EXOC4: variants seen among roughly 807,000 people sequenced by gnomAD.
EXOC4 encodes exocyst complex component 4, also known as SEC8-like 1.
A neutral mutation model predicts 107.2 loss-of-function variants in EXOC4; 71 were observed. That is an observed-to-expected ratio of 0.66 (90% CI 0.55 to 0.81). The LOEUF (loss-of-function observed/expected upper bound fraction) is 0.81, where lower values mean the gene tolerates loss of function less well. EXOC4 is among the 30% of genes least tolerant of loss of function. The probability of loss-of-function intolerance (pLI) is 0.00; values close to 1 mark genes in which losing one functional copy is unlikely to be tolerated. For synonymous variants in EXOC4, 456 were observed against 441.2 expected, an observed-to-expected ratio of 1.03 and a Z score of -0.42; for missense variants, 1,108 against 1,189.6, an observed-to-expected ratio of 0.93 and a Z score of 1.01.
At chr7:133,673,258 G>T (rs1382880438) in intron 10 of EXOC4, among the ~76,000 whole-genome samples, 3 of 152,092 alleles carry the variant, frequency 2.0e-5, no homozygotes, top group Non-Finnish European at 2.9e-5. Context: ...TTCTAGATGG[G>T]GAAGCTAGCA....
At chr7:133,597,884 G>A (rs539311783) in intron 9 of EXOC4, among the ~76,000 whole-genome samples, 56 of 151,710 alleles carry the variant, frequency 3.7e-4, no homozygotes, top group African/African-American at 1.2e-3. Flanking sequence ...TGTTGGCGGC[G>A]GGCACCTGTA....
intron 10 of EXOC4, among the ~76,000 whole-genome samples, chr7:133,744,978 TA>T (rs545788161): frequency 2.0e-5 from 3 of 152,134 alleles, no homozygotes; most frequent in Admixed American, 6.6e-5. Flanking sequence ...GTTTTTTACT[TA>T]AAAAAAAGTT....
chr7:134,014,420 A>C (rs1472365397), intron 17 of EXOC4, among the ~76,000 whole-genome samples: 1 of 152,180 alleles, frequency 6.6e-6, no homozygotes, highest in Non-Finnish European at 1.5e-5. Flanking sequence ...AAGTACAAAC[A>C]ACCAGATATC....
chr7:133,687,029 G>GTC (rs1562907847), intron 10 of EXOC4, among the ~76,000 whole-genome samples: 3 of 140,346 alleles, frequency 2.1e-5, no homozygotes, highest in African/African-American at 8.2e-5. Context: ...GTGTGTGTGT[G>GTC]TGTGTGTGTC....
chr7:133,985,967 AAGAG>A (rs928574276), intron 14 of EXOC4, among the ~76,000 whole-genome samples: 7 of 152,146 alleles, frequency 4.6e-5, no homozygotes, highest in African/African-American at 1.7e-4. Context: ...AAGTGGGCAA[AAGAG>A]AGAGAGCAGT....
chr7:133,658,542 T>C (rs1309654117), intron 10 of EXOC4, among the ~76,000 whole-genome samples: 2 of 152,228 alleles, frequency 1.3e-5, no homozygotes, highest in Non-Finnish European at 2.9e-5. Flanking sequence ...TGTGGGCTGC[T>C]GTCTCTTCAC....
chr7:133,397,425 C>T (rs1304945881), intron 7 of EXOC4, among the ~76,000 whole-genome samples: 3 of 151,874 alleles, frequency 2.0e-5, no homozygotes, highest in Non-Finnish European at 2.9e-5. Context: ...TGAGCCACTG[C>T]GCCCGGCTCA....
intron 11 of EXOC4, among the ~76,000 whole-genome samples, chr7:133,819,538 G>A (rs1307582779): frequency 6.7e-6 from 1 of 148,232 alleles, no homozygotes; most frequent in Non-Finnish European, 1.5e-5. Context: ...GATGGATACA[G>A]TGAATAAGTT....
At chr7:134,057,711 C>T (rs1403292571) in intron 17 of EXOC4, among the ~76,000 whole-genome samples, 2 of 152,078 alleles carry the variant, frequency 1.3e-5, no homozygotes, top group African/African-American at 2.4e-5. Context: ...TCTTGTCTAC[C>T]ATTGCTTGAA....
intron 10 of EXOC4, among the ~76,000 whole-genome samples, chr7:133,696,430 C>T (rs989488255): frequency 2.6e-5 from 4 of 152,162 alleles, no homozygotes; most frequent in Admixed American, 6.5e-5. Flanking sequence ...ACAGTTTTTG[C>T]CTTCATAATC....
chr7:133,928,122 T>C (rs932841466), intron 13 of EXOC4, among the ~76,000 whole-genome samples: 1 of 152,254 alleles, frequency 6.6e-6, no homozygotes, highest in East Asian at 1.9e-4. Flanking sequence ...TATAATTATT[T>C]AATTTTTTTC....
chr7:133,359,950 A>G lies in EXOC4; in HGVS notation c.1007+3377A>G, dbSNP rs151007489. Among the ~76,000 whole-genome samples, 27 of 152,300 alleles carry G rather than the reference A, an allele frequency of 1.8e-4. 1 individual carries two copies. The East Asian group carries it at 4.6e-3, about 26-fold the overall frequency. The stretch of plus-strand genomic sequence containing the variant: ...CTTTTCTGTTCATTCATAATCTATC[A>G]GTGTCTTTAAGCCTCCACTTACTAT... On this transcript the variant is annotated intron_variant, in intron 6 of 17. Transcript: ENST00000253861.
intron 10 of EXOC4, among the ~76,000 whole-genome samples, chr7:133,737,910 T>TTTTC (rs1554394674): frequency 1.3e-3 from 4 of 3,108 alleles, no homozygotes; most frequent in Non-Finnish European, 3.7e-3. Context: ...TTTTTCTTTC[T>TTTTC]TTTTTTTTTT....
intron 11 of EXOC4, among the ~76,000 whole-genome samples, chr7:133,832,945 A>G (rs1432051125): frequency 6.6e-6 from 1 of 152,216 alleles, no homozygotes; most frequent in African/African-American, 2.4e-5. Flanking sequence ...TTGAATCTAC[A>G]TAAGAAAAAG....
At chr7:134,069,373 TCTC>T (rs1164902242), downstream of EXOC4, among the ~76,000 whole-genome samples, 2 of 116,178 alleles carry the variant, frequency 1.7e-5, no homozygotes, top group South Asian at 3.2e-4. Flanking sequence ...TCCTCCCTCT[TCTC>T]CTCCTTCTCC....
intron 13 of EXOC4, among the ~76,000 whole-genome samples, chr7:133,936,953 G>A (rs182565298): frequency 4.6e-5 from 7 of 152,254 alleles, no homozygotes; most frequent in Admixed American, 1.3e-4. Flanking sequence ...GAGCCACTGC[G>A]CCCGGCCTTC....
chr7:134,003,661 A>G (rs2116321412), intron 15 of EXOC4, among the ~76,000 whole-genome samples: 2 of 152,222 alleles, frequency 1.3e-5, no homozygotes, highest in South Asian at 4.1e-4. Flanking sequence ...CAGAGCACCT[A>G]AAACAACAGA....
intron 9 of EXOC4, among the ~76,000 whole-genome samples, chr7:133,503,155 G>A (rs184208469): frequency 1.7e-4 from 26 of 152,160 alleles, no homozygotes; most frequent in African/African-American, 6.3e-4. Context: ...TTGGCCCAGG[G>A]TGGGAGAGGG....
chr7:133,567,789 G>A (rs963012540), intron 9 of EXOC4, among the ~76,000 whole-genome samples: 2 of 152,142 alleles, frequency 1.3e-5, no homozygotes, highest in African/African-American at 4.8e-5. Flanking sequence ...AGAAATATGG[G>A]CCTGAATTTA....
Sources: allele counts gnomAD v4.1 joint callset (sites outside exome capture counted in the v4.1 genomes callset), GRCh38; gene constraint gnomAD v4.1.1; transcripts MANE v1.5; gene names NCBI Gene and HGNC (gene_info 2026-07-23, HGNC 2026-07-21).